SH3BGR: variants seen among roughly 807,000 people sequenced by gnomAD.
SH3BGR encodes the protein SH3 domain binding glutamate rich protein, also known as SH3 domain-binding glutamic acid-rich protein.
SH3BGR carries 29 observed loss-of-function variants against 24.5 expected under a neutral mutation model. The observed-to-expected ratio is 1.18, with a 90% CI of 0.88 to 1.61. The LOEUF (loss-of-function observed/expected upper bound fraction) is 1.61. Ranked by LOEUF, SH3BGR falls within the 40% of genes most tolerant of loss-of-function variation. The probability of loss-of-function intolerance (pLI) is 0.00; values close to 1 mark genes in which losing one functional copy is unlikely to be tolerated. For synonymous variants in SH3BGR, 55 were observed against 65.7 expected (o/e 0.84, Z 0.79); for missense variants, 162 against 205.8 (o/e 0.79, Z 1.30).
At chr21:39,457,995 A>G (rs544418262) in intron 1 of SH3BGR, among the ~76,000 whole-genome samples, 4 of 152,292 alleles carry the variant, frequency 2.6e-5, no homozygotes, top group African/African-American at 4.8e-5. Flanking sequence ...CTAACACCCT[A>G]TACATGAGTC....
intron 4 of SH3BGR, among the ~76,000 whole-genome samples, chr21:39,504,288 G>A (rs555036803): frequency 6.6e-6 from 1 of 152,246 alleles, no homozygotes; most frequent in South Asian, 2.1e-4. Context: ...AGGAGTCATG[G>A]GTCTCAGCCT....
At chr21:39,499,953 C>A (rs1474269638) in intron 4 of SH3BGR, 38 bp downstream of exon 4, 3 of 1,434,446 alleles carry the variant, frequency 2.1e-6, no homozygotes, top group Non-Finnish European at 3.0e-6. Flanking sequence ...TGACTGGATT[C>A]TCTGCTGTTC....
At chr21:39,500,019 G>T in intron 4 of SH3BGR, 104 bp downstream of exon 4, 1 of 808,754 alleles carries the variant, frequency 1.2e-6, no homozygotes, top group South Asian at 1.5e-5. Flanking sequence ...TCAGAAAGAG[G>T]GCAAGGAGCT....
intron 4 of SH3BGR, among the ~76,000 whole-genome samples, chr21:39,508,218 G>C (rs919660505): frequency 2.6e-5 from 4 of 152,248 alleles, no homozygotes; most frequent in African/African-American, 7.2e-5. Context: ...TTTAGGGACT[G>C]CTCTCAAGAA....
upstream of SH3BGR, chr21:39,451,736 C>A: frequency 1.2e-6 from 1 of 814,416 alleles, no homozygotes; most frequent in Non-Finnish European, 1.9e-6. Context: ...GGCCCCAAGG[C>A]ATCTCTGCAC....
At chr21:39,449,723 G>A (rs2077552262), upstream of SH3BGR, among the ~76,000 whole-genome samples, 1 of 152,140 alleles carries the variant, frequency 6.6e-6, no homozygotes, top group African/African-American at 2.4e-5. Context: ...GGTGTGGAGA[G>A]GAATGGGTGA....
intron 3 of SH3BGR, among the ~76,000 whole-genome samples, chr21:39,496,090 A>G (rs2078389127): frequency 1.3e-5 from 2 of 152,226 alleles, no homozygotes; most frequent in South Asian, 2.1e-4. Flanking sequence ...TAGAAGCAAG[A>G]TAGGCATGCC....
At chr21:39,477,336 A>G (rs1013366622) in intron 3 of SH3BGR, among the ~76,000 whole-genome samples, 5 of 152,098 alleles carry the variant, frequency 3.3e-5, no homozygotes, top group Non-Finnish European at 7.4e-5. Context: ...GGATCTTGCT[A>G]TGTTGCCCAG....
intron 2 of SH3BGR, among the ~76,000 whole-genome samples, chr21:39,473,877 T>C (rs566037420): frequency 1.2e-5 from 1 of 80,520 alleles, no homozygotes; most frequent in South Asian, 5.1e-4. Context: ...ACAGTGAGAC[T>C]CTGTCTCAAA....
intron 3 of SH3BGR, among the ~76,000 whole-genome samples, chr21:39,476,688 CTCTG>C (rs1277649028): frequency 6.6e-6 from 1 of 152,148 alleles, no homozygotes; most frequent in Non-Finnish European, 1.5e-5. Flanking sequence ...AACCCAAGTT[CTCTG>C]TCTTTCAGTA....
At chr21:39,493,457 C>A (rs1050727510) in intron 3 of SH3BGR, among the ~76,000 whole-genome samples, 13 of 152,182 alleles carry the variant, frequency 8.5e-5, no homozygotes, top group Non-Finnish European at 1.8e-4. Flanking sequence ...GTTCTCTATT[C>A]TGTTTCATTG....
At chr21:39,470,344 C>T (rs923602222) in intron 2 of SH3BGR, among the ~76,000 whole-genome samples, 2 of 151,938 alleles carry the variant, frequency 1.3e-5, no homozygotes, top group Non-Finnish European at 2.9e-5. Context: ...CTGCAGCCTC[C>T]ACCTCCCAGG....
chr21:39,512,778 C>T (rs2078718861), intron 6 of SH3BGR, among the ~76,000 whole-genome samples: 1 of 152,062 alleles, frequency 6.6e-6, no homozygotes, highest in Non-Finnish European at 1.5e-5. Context: ...GGTGACAGAG[C>T]AAGACTCTGT....
At chr21:39,449,615 A>G (rs969411602), upstream of SH3BGR, among the ~76,000 whole-genome samples, 4 of 152,176 alleles carry the variant, frequency 2.6e-5, no homozygotes, top group Non-Finnish European at 5.9e-5. Flanking sequence ...TAATTTGTAC[A>G]TTTTTATGGT....
chr21:39,473,952 G>T (rs2077985828), intron 2 of SH3BGR, among the ~76,000 whole-genome samples: 1 of 151,900 alleles, frequency 6.6e-6, no homozygotes, highest in African/African-American at 2.4e-5. Flanking sequence ...GCTGTGACCT[G>T]TATTTGGTGT....
At chr21:39,501,494 G>A (rs918509201) in intron 4 of SH3BGR, among the ~76,000 whole-genome samples, 1 of 151,998 alleles carries the variant, frequency 6.6e-6, no homozygotes, top group Non-Finnish European at 1.5e-5. Flanking sequence ...TTTTTGTGTG[G>A]GCTATGGTGA....
At chr21:39,447,095 A>G (rs543540973), upstream of SH3BGR, 1 of 152,186 alleles carries the variant, frequency 6.6e-6, no homozygotes, top group African/African-American at 2.4e-5. Context: ...TCCGTATAAG[A>G]TGGGTGCCGG....
chr21:39,462,516 A>T lies in SH3BGR; in HGVS notation c.187A>T (p.Ile63Phe), dbSNP rs748441072. 1 of 1,605,922 alleles carries T rather than the reference A, an allele frequency of 6.2e-7. No individual in the cohort carries two copies. The highest frequency in any genetic ancestry group is 1.1e-5 in the South Asian group (1 of 89,086). ...VPGEKKPQNG[I>F]PLPPQIFNEE... ...TGGAGAGAAAAAACCTCAAAATGGGATTCCTTTGCCTCCCCAGATCTTCAA... is the reference window on the plus strand; with the variant it reads ...TGGAGAGAAAAAACCTCAAAATGGGTTTCCTTTGCCTCCCCAGATCTTCAA... The change falls in exon 2 of 7, where the codon ATT becomes TTT. Residue 63 changes from isoleucine (I) to phenylalanine (F), a missense_variant. Coordinates refer to ENST00000333634, the MANE Select transcript of SH3BGR (RefSeq NM_007341.3).
intron 4 of SH3BGR, among the ~76,000 whole-genome samples, chr21:39,504,497 C>T (rs985611008): frequency 7.2e-5 from 11 of 152,230 alleles, no homozygotes; most frequent in African/African-American, 2.7e-4. Context: ...CGCACCACCT[C>T]TGCAGTCTGC....
Sources: gnomAD v4.1 joint callset for allele counts (sites outside exome capture counted in the v4.1 genomes callset) on GRCh38, gnomAD v4.1.1 for gene constraint, MANE v1.5 for transcripts, NCBI Gene and HGNC (gene_info 2026-07-23, HGNC 2026-07-21) for gene names.